Variants in RASGRF2 observed in about 807,000 individuals in gnomAD.
The protein encoded by RASGRF2 is Ras protein specific guanine nucleotide releasing factor 2.
Under a neutral mutation model 151.0 loss-of-function variants are expected in RASGRF2, and 76 were observed. The observed-to-expected ratio is 0.50, with a 90% CI of 0.42 to 0.61. RASGRF2 has a LOEUF of 0.61. Ranked by LOEUF, RASGRF2 falls within the 20% of genes least tolerant of loss-of-function variation. The pLI is 0.00. For synonymous variants in RASGRF2, 504 were observed against 566.5 expected (o/e 0.89, Z 1.57); for missense variants, 1,148 against 1,564.6 (o/e 0.73, Z 4.49).
chr5:81,109,251 G>T (rs947117721), intron 13 of RASGRF2, among the ~76,000 whole-genome samples, 173 bp downstream of exon 13: 1 of 152,078 alleles, frequency 6.6e-6, no homozygotes, highest in Admixed American at 6.5e-5. Flanking sequence ...TATCAAAATG[G>T]TTTTTCACAT....
chr5:81,062,015 A>AC (rs1376014669), intron 2 of RASGRF2, among the ~76,000 whole-genome samples: 3 of 135,114 alleles, frequency 2.2e-5, no homozygotes, highest in African/African-American at 5.3e-5. Flanking sequence ...AAAAAAAAAA[A>AC]AAAAAAAAAC....
chr5:81,154,995 A>C (rs988926806), intron 17 of RASGRF2, among the ~76,000 whole-genome samples: 1 of 152,162 alleles, frequency 6.6e-6, no homozygotes, highest in African/African-American at 2.4e-5. Flanking sequence ...GTGAGGTGAT[A>C]TCTCACTGTG....
In RASGRF2 at chr5:81,042,954, A is replaced by G. The variant is rs147733369; in HGVS notation, c.366A>G (p.Lys122=). The change falls in exon 2 of 27, where the codon AAA becomes AAG. Residue 122 remains lysine (K), a synonymous_variant. Coordinates refer to ENST00000265080, the MANE Select transcript of RASGRF2 (RefSeq NM_006909.3). ...GCTGTGAGGAGGAGCAGGATGGTAA[A>G]GAGTGGATGGAGGCCATTCACCAAG... is the stretch of plus-strand genomic sequence containing the variant. ...ELRCEEEQDG[K]EWMEAIHQAS... is the part of the protein sequence containing the mutation. 7.1e-4 allele frequency: 1,151 copies of G among 1,612,650 alleles called. 2 individuals are homozygous for G. The highest frequency in any genetic ancestry group is 8.7e-4 in the South Asian group (79 of 90,482).
intron 17 of RASGRF2, among the ~76,000 whole-genome samples, chr5:81,132,992 A>G (rs1753662908): frequency 6.6e-6 from 1 of 152,206 alleles, no homozygotes; most frequent in African/African-American, 2.4e-5. Flanking sequence ...CCAATCCAGA[A>G]AATTCTTGGA....
At chr5:81,122,839 G>A (rs1753346107) in intron 15 of RASGRF2, among the ~76,000 whole-genome samples, 1 of 152,174 alleles carries the variant, frequency 6.6e-6, no homozygotes, top group Admixed American at 6.5e-5. Context: ...GCCTAAGGGT[G>A]ACCCTAAAAT....
At chr5:81,056,563 T>A (rs1751220017) in intron 2 of RASGRF2, among the ~76,000 whole-genome samples, 1 of 152,240 alleles carries the variant, frequency 6.6e-6, no homozygotes, top group Non-Finnish European at 1.5e-5. Context: ...TGGTCAGTTT[T>A]GGAATAAGTG....
At chr5:81,033,070 C>T (rs1167751798) in intron 1 of RASGRF2, among the ~76,000 whole-genome samples, 1 of 151,258 alleles carries the variant, frequency 6.6e-6, no homozygotes, top group Non-Finnish European at 1.5e-5. Flanking sequence ...GAATAAAATA[C>T]CTAGGAATCC....
intron 1 of RASGRF2, among the ~76,000 whole-genome samples, chr5:80,964,868 A>C (rs1267627253): frequency 6.6e-6 from 1 of 152,048 alleles, no homozygotes; most frequent in African/African-American, 2.4e-5. Context: ...TTAGGGTGAA[A>C]GTACACATCC....
intron 1 of RASGRF2, among the ~76,000 whole-genome samples, chr5:81,025,666 G>A (rs536691750): frequency 2.6e-5 from 4 of 152,230 alleles, no homozygotes; most frequent in South Asian, 2.1e-4. Flanking sequence ...TTTGTTGTCC[G>A]GAGGCAGCAG....
intron 1 of RASGRF2, among the ~76,000 whole-genome samples, chr5:80,973,921 C>G (rs572597777): frequency 6.6e-6 from 1 of 152,048 alleles, no homozygotes; most frequent in Non-Finnish European, 1.5e-5. Context: ...AGTAATAATC[C>G]GAAAAGGTAT....
chr5:81,070,548 A>C lies in RASGRF2; in HGVS notation c.600A>C (p.Glu200Asp), dbSNP rs1420012839. Residue 200 changes from glutamate to aspartate, a missense_variant, in exon 4 of 27, where the codon GAA becomes GAC. Coordinates refer to ENST00000265080, the MANE Select transcript of RASGRF2 (RefSeq NM_006909.3). ...TGCGACCTTACCAAAGCAACCAAGA[A>C]GACGAAGATCCAGACATCAAGAAGA... ...ERMRPYQSNQ[E>D]DEDPDIKKIK... 1.9e-6 allele frequency: 3 copies of C among 1,611,014 alleles called. No homozygotes were observed. Among genetic ancestry groups the C allele is most frequent in the African/African-American group, 1.3e-5 (1 of 74,868 alleles).
At chr5:80,993,162 G>C (rs923798006) in intron 1 of RASGRF2, among the ~76,000 whole-genome samples, 1 of 152,080 alleles carries the variant, frequency 6.6e-6, no homozygotes, top group Non-Finnish European at 1.5e-5. Context: ...TTCTATAGGG[G>C]CCCAAATGAC....
chr5:81,050,590 C>A (rs1750980344), intron 2 of RASGRF2, among the ~76,000 whole-genome samples: 1 of 152,090 alleles, frequency 6.6e-6, no homozygotes, highest in Non-Finnish European at 1.5e-5. Flanking sequence ...GCTGGAGCCA[C>A]CACATACAGG....
intron 1 of RASGRF2, among the ~76,000 whole-genome samples, chr5:80,969,457 T>TG (rs1747837806): frequency 6.8e-6 from 1 of 146,822 alleles, no homozygotes; most frequent in African/African-American, 2.5e-5. Context: ...CTTTTTTCTT[T>TG]TTTTTTTTTG....
In RASGRF2 at chr5:81,129,993, A is replaced by T. The variant is rs183771208; in HGVS notation, c.2686+2830A>T. Among the ~76,000 whole-genome samples the T allele has an allele frequency of 1.1e-4, 16 of 152,278 alleles. No individual in the cohort carries two copies. The East Asian group carries it at 2.9e-3, about 28-fold the overall frequency. ...ATGTGCTTTAGAGAATGGCTTTCTG[A>T]CTAGCTTTCCCAGGCATATTGGGCC... is the stretch of plus-strand genomic sequence containing the variant. On this transcript the variant is annotated intron_variant, in intron 17 of 26. Coordinates refer to ENST00000265080, the MANE Select transcript of RASGRF2 (RefSeq NM_006909.3).
intron 1 of RASGRF2, among the ~76,000 whole-genome samples, chr5:81,005,353 C>T (rs1749232776): frequency 1.3e-5 from 2 of 152,054 alleles, no homozygotes; most frequent in African/African-American, 4.8e-5. Flanking sequence ...GGAAAAGCCC[C>T]TTATAAAACC....
At chr5:81,056,645 T>G (rs1307233812) in intron 2 of RASGRF2, among the ~76,000 whole-genome samples, 1 of 152,184 alleles carries the variant, frequency 6.6e-6, no homozygotes, top group Admixed American at 6.5e-5. Flanking sequence ...CTATTAGGTC[T>G]GCTTGGTGCA....
At chr5:81,047,667 A>G (rs912309097) in intron 2 of RASGRF2, among the ~76,000 whole-genome samples, 4 of 152,262 alleles carry the variant, frequency 2.6e-5, no homozygotes, top group African/African-American at 9.6e-5. Flanking sequence ...GTGTTTGGCA[A>G]GGGCCTGACC....
intron 18 of RASGRF2, among the ~76,000 whole-genome samples, chr5:81,194,233 G>A (rs774487648): frequency 2.0e-5 from 3 of 151,194 alleles, no homozygotes; most frequent in Non-Finnish European, 2.9e-5. Context: ...GCATGTGCCT[G>A]TAGTCCCAGC....
Sources: allele counts gnomAD v4.1 joint callset (sites outside exome capture counted in the v4.1 genomes callset), GRCh38; gene constraint gnomAD v4.1.1; transcripts MANE v1.5; gene names NCBI Gene and HGNC (gene_info 2026-07-23, HGNC 2026-07-21).